SLC14A2: variants seen among roughly 807,000 people sequenced by gnomAD.
The protein encoded by SLC14A2 is urea transporter 2.
A neutral mutation model predicts 104.6 loss-of-function variants in SLC14A2; 91 were observed. The ratio of observed to expected loss-of-function variants is 0.87; its 90% CI spans 0.73 to 1.04. SLC14A2 has a LOEUF of 1.04. SLC14A2 is among the 50% of genes least tolerant of loss of function. The probability of loss-of-function intolerance (pLI) is 0.00; values close to 1 mark genes in which losing one functional copy is unlikely to be tolerated. For missense variants in SLC14A2, 1,189 were observed against 1,156.0 expected (o/e 1.03, Z -0.41); for synonymous variants, 476 against 466.4 (o/e 1.02, Z -0.27).
rs560251100 is a variant in SLC14A2 at position 45,300,439 on chromosome 18, A to G, written c.-125+87248A>G. Reference sequence around the variant, plus strand: ...ATGCTGTTCTGCTGAACCCTCCCCAAAAAAAAAAAAGTCCTAAGAAGTTGC... The same window carrying G: ...ATGCTGTTCTGCTGAACCCTCCCCAGAAAAAAAAAAGTCCTAAGAAGTTGC... On this transcript the variant is annotated intron_variant, in intron 1 of 20. Coordinates refer to the SLC14A2 transcript ENST00000586448. 5.8e-3 allele frequency among the ~76,000 whole-genome samples: 860 copies of G among 148,760 alleles called. 3 individuals carry two copies. The highest frequency in any genetic ancestry group is 0.019 in the African/African-American group (787 of 40,944).
At chr18:45,596,266 C>T (rs2044717669) in intron 2 of SLC14A2, among the ~76,000 whole-genome samples, 2 of 152,178 alleles carry the variant, frequency 1.3e-5, no homozygotes, top group African/African-American at 4.8e-5. Flanking sequence ...TGGAAATTGG[C>T]ACGGCTACCT....
At chr18:45,383,139 A>G (rs756493123) in intron 1 of SLC14A2, among the ~76,000 whole-genome samples, 3 of 152,246 alleles carry the variant, frequency 2.0e-5, no homozygotes, top group Non-Finnish European at 4.4e-5. Context: ...ACCAGAGAAG[A>G]AAAATGACTT....
chr18:45,651,322 G>A lies in SLC14A2; in HGVS notation c.1351+7162G>A, dbSNP rs1000692922. 3.9e-5 allele frequency among the ~76,000 whole-genome samples: 6 copies of A among 152,144 alleles called. 1 individual carries two copies. The highest frequency in any genetic ancestry group is 4.4e-5 in the Non-Finnish European group (3 of 68,020). On this transcript the variant is annotated intron_variant, in intron 10 of 19. Transcript: ENST00000255226. ...GATGAGGCCAAGCTGGATGGATGAG[G>A]GTCTGGAGCACCATCATCTCACAGG...
intron 2 of SLC14A2, among the ~76,000 whole-genome samples, chr18:45,603,510 G>A (rs2044821455): frequency 6.6e-6 from 1 of 152,156 alleles, no homozygotes; most frequent in African/African-American, 2.4e-5. Context: ...AGACCAGAGA[G>A]TTATGATAAA....
At chr18:45,626,216 AC>A (rs1398855224) in intron 3 of SLC14A2, among the ~76,000 whole-genome samples, 1 of 152,090 alleles carries the variant, frequency 6.6e-6, no homozygotes, top group Non-Finnish European at 1.5e-5. Flanking sequence ...TCATTCCTTC[AC>A]TCGATTCACT....
chr18:45,451,563 C>T (rs1359390114), intron 1 of SLC14A2, among the ~76,000 whole-genome samples: 1 of 151,650 alleles, frequency 6.6e-6, no homozygotes, highest in African/African-American at 2.4e-5. Flanking sequence ...TTTTCTTATT[C>T]CCAAAATTGA....
rs2044885252 is a variant in SLC14A2, at chr18:45,607,155, G to A, written c.-34-17476G>A. 2.0e-5 allele frequency among the ~76,000 whole-genome samples: 3 copies of A among 152,038 alleles called. No homozygotes were observed. The South Asian group carries it at 6.2e-4, about 32-fold the overall frequency. ...GCAATGTTGGTTAAGTACTTCTTGGGTATGTCCCCAAGGGGTAGCCAGAGG... is the reference window on the plus strand; with the variant it reads ...GCAATGTTGGTTAAGTACTTCTTGGATATGTCCCCAAGGGGTAGCCAGAGG... On this transcript the variant is annotated intron_variant, in intron 2 of 20. Transcript: ENST00000586448.
At chr18:45,323,676 C>A (rs1044773087) in intron 1 of SLC14A2, among the ~76,000 whole-genome samples, 4 of 152,140 alleles carry the variant, frequency 2.6e-5, no homozygotes, top group Middle Eastern at 3.2e-3. Context: ...TCAATGTGTT[C>A]TGGGGAGACC....
At chr18:45,514,528 A>T (rs2043410562) in intron 2 of SLC14A2, among the ~76,000 whole-genome samples, 1 of 152,172 alleles carries the variant, frequency 6.6e-6, no homozygotes, top group Admixed American at 6.5e-5. Flanking sequence ...AATCACTTAA[A>T]ACTGGCCTTG....
intron 2 of SLC14A2, among the ~76,000 whole-genome samples, chr18:45,498,415 G>A (rs979551357): frequency 5.3e-5 from 8 of 152,234 alleles, no homozygotes; most frequent in African/African-American, 1.9e-4. Context: ...GCGAGAAGCT[G>A]CCAGACGCCC....
chr18:45,374,911 G>A (rs957550822), intron 1 of SLC14A2, among the ~76,000 whole-genome samples: 2 of 152,162 alleles, frequency 1.3e-5, no homozygotes, highest in Admixed American at 6.6e-5. Context: ...ACAACCCCTG[G>A]GTTGAGCTGA....
At chr18:45,437,754 G>A in intron 1 of SLC14A2, among the ~76,000 whole-genome samples, 1 of 152,266 alleles carries the variant, frequency 6.6e-6, no homozygotes, top group African/African-American at 2.4e-5. Context: ...GCACATCCTC[G>A]ATGTCTTGGC....
chr18:45,424,616 G>A (rs2086398133), intron 1 of SLC14A2, among the ~76,000 whole-genome samples: 1 of 152,238 alleles, frequency 6.6e-6, no homozygotes, highest in African/African-American at 2.4e-5. Context: ...CTCATCAAAG[G>A]AGAGCCATTT....
At chr18:45,314,132 G>A (rs2144223091) in intron 1 of SLC14A2, among the ~76,000 whole-genome samples, 2 of 152,354 alleles carry the variant, frequency 1.3e-5, no homozygotes, top group Middle Eastern at 6.8e-3. Context: ...TGGTCTTCAT[G>A]GCCACAGAGG....
chr18:45,434,589 C>T (rs746612383), intron 1 of SLC14A2, among the ~76,000 whole-genome samples: 7 of 152,110 alleles, frequency 4.6e-5, no homozygotes, highest in South Asian at 2.1e-4. Flanking sequence ...AAAACCTAAG[C>T]GCCACAGCAG....
rs371367193 is a variant in SLC14A2, at chr18:45,624,659, G to A, written c.-6G>A. Reference sequence around the variant, plus strand: ...ATCGATAGAAGAGTGGCTGTGACCCGAAGGAATGTCTGACCCCCACAGCAG... The same window carrying A: ...ATCGATAGAAGAGTGGCTGTGACCCAAAGGAATGTCTGACCCCCACAGCAG... On this transcript the variant is annotated 5_prime_UTR_variant, in exon 2 of 20. Transcript: ENST00000255226. 73 of 1,608,166 alleles carry A rather than the reference G, an allele frequency of 4.5e-5. No homozygotes were observed. The highest frequency in any genetic ancestry group is 1.8e-4 in the East Asian group (8 of 44,670).
chr18:45,385,914 G>A (rs796674125), intron 1 of SLC14A2, among the ~76,000 whole-genome samples: 4 of 152,278 alleles, frequency 2.6e-5, no homozygotes, highest in African/African-American at 9.6e-5. Context: ...AGCAGCTGAA[G>A]CTTTCACTGA....
chr18:45,408,477 G>A (rs2144483386), intron 1 of SLC14A2, among the ~76,000 whole-genome samples: 1 of 152,276 alleles, frequency 6.6e-6, no homozygotes, highest in Middle Eastern at 3.4e-3. Context: ...AGTACCATGA[G>A]ATGACATGGT....
chr18:45,168,718 G>A, the SLC14A2 span: 1 of 151,876 alleles, frequency 6.6e-6, no homozygotes, highest in Non-Finnish European at 1.5e-5. Flanking sequence ...TTTTGATGAA[G>A]CACTCAAATC....
Sources: allele counts gnomAD v4.1 joint callset (sites outside exome capture counted in the v4.1 genomes callset), GRCh38; gene constraint gnomAD v4.1.1; transcripts MANE v1.5; gene names NCBI Gene and HGNC (gene_info 2026-07-23, HGNC 2026-07-21).